Variants in CREB5 observed in about 807,000 individuals in gnomAD.
CREB5 encodes the protein cAMP responsive element binding protein 5.
Under a neutral mutation model 57.1 loss-of-function variants are expected in CREB5, and 19 were observed. That is an observed-to-expected ratio of 0.33 (90% CI 0.23 to 0.49). The LOEUF (loss-of-function observed/expected upper bound fraction) is 0.49. Ranked by LOEUF, CREB5 falls within the 20% of genes least tolerant of loss-of-function variation. CREB5 has a pLI of 0.99. For missense variants in CREB5, 579 were observed against 671.6 expected (o/e 0.86, Z 1.52); for synonymous variants, 238 against 238.3 (o/e 1.00, Z 0.01).
rs186699530 is a variant in CREB5, at chr7:28,708,593, A to G, written c.465-10160A>G. ...AAGCAGAGGCTGCCGGGAAGATCCA[A>G]TAGATCTTTTATAAGAGTTCTGTTT... On this transcript the variant is annotated intron_variant, in intron 5 of 10. Transcript: ENST00000357727. Among the ~76,000 whole-genome samples the G allele has an allele frequency of 7.3e-4, 111 of 152,340 alleles. No homozygotes were observed. In the Middle Eastern group the frequency reaches 0.01, roughly 14 times the overall value.
At chr7:28,494,869 C>G in intron 2 of CREB5, 37 bp from the exon 3 acceptor site, 160 of 1,331,730 alleles carry the variant, frequency 1.2e-4, no homozygotes, top group Middle Eastern at 2.1e-4. Context: ...TGAATGGCTC[C>G]TCTTCTCCCC....
intron 7 of CREB5, among the ~76,000 whole-genome samples, chr7:28,752,567 A>C (rs1805047165): frequency 2.0e-5 from 3 of 152,246 alleles, no homozygotes. Context: ...CTTATGAAAT[A>C]AGTACTGATG....
chr7:28,621,709 T>C (rs1797798930), intron 5 of CREB5, among the ~76,000 whole-genome samples: 1 of 152,166 alleles, frequency 6.6e-6, no homozygotes, highest in South Asian at 2.1e-4. Context: ...TGTGGTGCGC[T>C]GTGAAGTCAA....
intron 1 of CREB5, among the ~76,000 whole-genome samples, chr7:28,305,563 A>G (rs924670594): frequency 6.6e-6 from 1 of 152,168 alleles, no homozygotes; most frequent in Non-Finnish European, 1.5e-5. Context: ...CTCACAGTGA[A>G]GAGTGAGACT....
chr7:28,528,760 A>G (rs1350271121), intron 4 of CREB5, among the ~76,000 whole-genome samples: 1 of 89,028 alleles, frequency 1.1e-5, no homozygotes, highest in African/African-American at 4.0e-5. Flanking sequence ...TACCTTAACC[A>G]ATGTTTTAGG....
chr7:28,664,390 T>C (rs1799729255), intron 5 of CREB5, among the ~76,000 whole-genome samples: 1 of 152,222 alleles, frequency 6.6e-6, no homozygotes, highest in Non-Finnish European at 1.5e-5. Flanking sequence ...TTAAGAATAA[T>C]GCTTGTCTAA....
intron 5 of CREB5, among the ~76,000 whole-genome samples, chr7:28,647,002 A>G (rs1798915531): frequency 6.6e-6 from 1 of 152,120 alleles, no homozygotes; most frequent in African/African-American, 2.4e-5. Flanking sequence ...CTGGTGATAC[A>G]TCAGTGGAGA....
intron 5 of CREB5, among the ~76,000 whole-genome samples, chr7:28,605,958 C>T (rs546887475): frequency 5.3e-5 from 8 of 152,140 alleles, no homozygotes; most frequent in South Asian, 2.1e-4. Flanking sequence ...GTTTCATGGG[C>T]GTATACGTTT....
chr7:28,321,880 G>A lies in CREB5; in HGVS notation c.-25+22439G>A, dbSNP rs74746095. ...GTGTGGGACCCTGTGTCAGATACAT[G>A]AAGTTGGCACTGACAGTAGCAGAAA... On this transcript the variant is annotated intron_variant, in intron 1 of 9. Coordinates refer to the CREB5 transcript ENST00000396299. 5.1e-3 allele frequency among the ~76,000 whole-genome samples: 783 copies of A among 152,338 alleles called. 8 individuals carry two copies. Among genetic ancestry groups the A allele is most frequent in the African/African-American group, 0.018 (752 of 41,576 alleles).
At position 28,570,505 on chromosome 7, in the gene CREB5, C is replaced by A; in HGVS notation, c.432C>A (p.Ile144=). ...CGTCGCCTCAGTCCAGCTCTGTCAT[C>A]ACTCAGGCACCTTCCACCAACCGCC... is the stretch of plus-strand genomic sequence containing the variant. ...AMPSPQSSSV[I]TQAPSTNRQI... Residue 144 remains isoleucine, a synonymous_variant, in exon 5 of 11, where the codon ATC becomes ATA. Coordinates refer to ENST00000357727, the MANE Select transcript of CREB5 (RefSeq NM_182898.4). 6.2e-7 allele frequency: 1 copy of A among 1,614,068 alleles called. No homozygotes were observed. The highest frequency in any genetic ancestry group is 8.5e-7 in the Non-Finnish European group (1 of 1,179,972).
chr7:28,401,133 T>C (rs1295699568), intron 1 of CREB5, among the ~76,000 whole-genome samples: 1 of 152,228 alleles, frequency 6.6e-6, no homozygotes, highest in East Asian at 1.9e-4. Context: ...TAGTTTTTCC[T>C]TTAATCGAGT....
chr7:28,718,720 A>G (rs1398666776), intron 5 of CREB5, 33 bp from the exon 6 acceptor site: 1 of 1,610,344 alleles, frequency 6.2e-7, no homozygotes, highest in East Asian at 2.2e-5. Context: ...GGGCACCAGG[A>G]ATCATGTTTG....
intron 7 of CREB5, among the ~76,000 whole-genome samples, chr7:28,787,960 G>C (rs1807433541): frequency 6.6e-6 from 1 of 152,162 alleles, no homozygotes; most frequent in Admixed American, 6.5e-5. Flanking sequence ...AAGACATTTT[G>C]TTATTTAGCT....
intron 4 of CREB5, among the ~76,000 whole-genome samples, chr7:28,547,750 A>G (rs1004443800): frequency 8.5e-5 from 13 of 152,216 alleles, no homozygotes; most frequent in Non-Finnish European, 1.6e-4. Context: ...ATATGAAGGC[A>G]GGCTAATGAC....
At chr7:28,680,391 A>G (rs1449968715) in intron 5 of CREB5, among the ~76,000 whole-genome samples, 1 of 152,116 alleles carries the variant, frequency 6.6e-6, no homozygotes, top group Non-Finnish European at 1.5e-5. Flanking sequence ...TCAACACCAG[A>G]ACATGAATCA....
At chr7:28,460,914 G>T (rs1231533652) in intron 1 of CREB5, among the ~76,000 whole-genome samples, 1 of 152,030 alleles carries the variant, frequency 6.6e-6, no homozygotes, top group Non-Finnish European at 1.5e-5. Context: ...GGATCTTATG[G>T]GGGGGCATAG....
Position 28,659,455 on chromosome 7 carries a change from T to TGA in CREB5, c.465-59297_465-59296dup, listed in dbSNP as rs202189147. Among the ~76,000 whole-genome samples, 1,233 of 152,318 alleles carry TGA rather than the reference T, an allele frequency of 8.1e-3. 25 individuals carry two copies. The highest frequency in any genetic ancestry group is 0.028 in the African/African-American group (1,183 of 41,564). ...TTTTTATTCTTCTCTCAGTATGCTG[T>TGA]GACAAGGTCCTGTAGCCAGCTGTGT... On this transcript the variant is annotated intron_variant, in intron 5 of 10. Transcript: ENST00000357727.
At chr7:28,369,574 ATAG>A (rs1323476314) in intron 1 of CREB5, among the ~76,000 whole-genome samples, 4 of 152,260 alleles carry the variant, frequency 2.6e-5, no homozygotes, top group Non-Finnish European at 5.9e-5. Context: ...TGATTGACAC[ATAG>A]TAGGCATTCA....
At chr7:28,321,287 C>T (rs1172079161) in intron 1 of CREB5, among the ~76,000 whole-genome samples, 1 of 152,014 alleles carries the variant, frequency 6.6e-6, no homozygotes, top group Non-Finnish European at 1.5e-5. Flanking sequence ...TTTCCTCTTC[C>T]TCCTCGTCCT....
Sources: allele counts gnomAD v4.1 joint callset (sites outside exome capture counted in the v4.1 genomes callset), GRCh38; gene constraint gnomAD v4.1.1; transcripts MANE v1.5; gene names NCBI Gene and HGNC (gene_info 2026-07-23, HGNC 2026-07-21).